Variants in FOXK1 observed in about 807,000 individuals in gnomAD.
FOXK1 encodes forkhead box protein K1.
In FOXK1, 19 loss-of-function variants were observed where a neutral mutation model predicts 51.9. The ratio of observed to expected loss-of-function variants is 0.37; its 90% CI spans 0.26 to 0.54. The LOEUF (loss-of-function observed/expected upper bound fraction) is 0.54. FOXK1 is among the 20% of genes least tolerant of loss of function. FOXK1 has a pLI of 0.87. For missense variants in FOXK1, 870 were observed against 1,032.7 expected (o/e 0.84, Z 2.16); for synonymous variants, 537 against 482.6 (o/e 1.11, Z -1.48).
chr7:4,700,207 A>C (rs927733590), intron 1 of FOXK1, among the ~76,000 whole-genome samples: 2 of 152,226 alleles, frequency 1.3e-5, no homozygotes, highest in African/African-American at 4.8e-5. Flanking sequence ...TTGTTGGGGC[A>C]GGACCACGTT....
rs570756478 is a variant in FOXK1 at position 4,762,236 on chromosome 7, G to A, written c.1974G>A (p.Pro658=). The change falls in exon 9 of 9, where the codon CCG becomes CCA. Residue 658 remains proline, a synonymous_variant. Transcript: ENST00000328914. The surrounding 1 kb of genome is among the most constrained non-coding windows in gnomAD (Gnocchi z 5.7). The part of the protein sequence containing the change: ...LLATQASSSA[P]VVVTRVCEVG... ...CGACCCAAGCGAGTTCATCCGCGCCGGTGGTGGTCACCCGGGTGTGCGAGG... is the reference window on the plus strand; with the variant it reads ...CGACCCAAGCGAGTTCATCCGCGCCAGTGGTGGTCACCCGGGTGTGCGAGG... The A allele has an allele frequency of 5.4e-5, 84 of 1,554,016 alleles. No homozygotes were observed. The highest frequency in any genetic ancestry group is 3.3e-4 in the Middle Eastern group (2 of 6,022).
At chr7:4,716,357 T>C (rs1259468350) in intron 1 of FOXK1, among the ~76,000 whole-genome samples, 1 of 151,936 alleles carries the variant, frequency 6.6e-6, no homozygotes, top group South Asian at 2.1e-4. Flanking sequence ...TTTGTTGTGG[T>C]CAGCTGGATG....
intron 2 of FOXK1, 80 bp from the exon 3 acceptor site, chr7:4,754,379 G>A: frequency 1.3e-6 from 2 of 1,514,604 alleles, no homozygotes; most frequent in Non-Finnish European, 1.8e-6. Flanking sequence ...CCCACCCTCT[G>A]GGTAGGTCCT....
rs1464045794 is a variant in FOXK1 at position 4,758,472 on chromosome 7, C to G, written c.1245-579C>G. ...AAGGACACGTTAACCTCTCGTGCTT[C>G]CCATTTCAAAATTCTGTTTCCAACA... On this transcript the variant is annotated intron_variant, in intron 5 of 8. Coordinates refer to ENST00000328914, the MANE Select transcript of FOXK1 (RefSeq NM_001037165.2). The surrounding 1 kb of genome is among the most constrained non-coding windows in gnomAD (Gnocchi z 4.4). 1 of 152,528 alleles carries G rather than the reference C, an allele frequency of 6.6e-6. No homozygotes were observed. The highest frequency in any genetic ancestry group is 1.5e-5 in the Non-Finnish European group (1 of 68,282). The allele number at this position is 152,528 out of a possible 1,614,324, so 9.4% of individuals were successfully genotyped here.
rs1468536457 is a variant in FOXK1, at chr7:4,767,945, G to A, written c.*5481G>A. 3.3e-5 allele frequency: 5 copies of A among 151,932 alleles called. No individual in the cohort carries two copies. Among genetic ancestry groups the A allele is most frequent in the Non-Finnish European group, 7.4e-5 (5 of 68,018 alleles). 9.4% of individuals were successfully genotyped at this position (151,932 alleles called of 1,614,324 possible). A position where few individuals can be genotyped will look rare whatever the true frequency, so the allele number is the denominator to read the frequency against. On this transcript the variant is annotated 3_prime_UTR_variant, in exon 9 of 9. Transcript: ENST00000328914. This position sits in a 1 kb window ranked among gnomAD's most constrained non-coding sequence, Gnocchi z 6.6. ...CACACCGTGCGGCTTGAATTCTGTC[G>A]GAGTTGAATCTGTGGAAAGGATTGT... is the stretch of plus-strand genomic sequence containing the variant.
At chr7:4,732,090 G>C (rs899651664) in intron 1 of FOXK1, among the ~76,000 whole-genome samples, 1 of 152,202 alleles carries the variant, frequency 6.6e-6, no homozygotes, top group African/African-American at 2.4e-5. Flanking sequence ...TTCCACTTGG[G>C]CTTCTGCTAC....
At chr7:4,736,396 T>C (rs1780552526) in intron 1 of FOXK1, among the ~76,000 whole-genome samples, 1 of 151,708 alleles carries the variant, frequency 6.6e-6, no homozygotes, top group South Asian at 2.1e-4. Context: ...TATGTACATA[T>C]CATCTAGAAT....
chr7:4,716,404 G>A (rs977873173), intron 1 of FOXK1, among the ~76,000 whole-genome samples: 1 of 152,130 alleles, frequency 6.6e-6, no homozygotes, highest in Admixed American at 6.5e-5. Flanking sequence ...TACTTGGGAG[G>A]CTAAGGCAGG....
Position 4,683,855 on chromosome 7 carries a change from C to T in FOXK1, c.560+987C>T, listed in dbSNP as rs1295831815. 2.6e-5 allele frequency among the ~76,000 whole-genome samples: 4 copies of T among 152,196 alleles called. No individual in the cohort carries two copies. Among genetic ancestry groups the T allele is most frequent in the African/African-American group, 9.6e-5 (4 of 41,462 alleles). ...GAGGTCCCTAGGAGTGTGGGCTGTG[C>T]TGAAGGAGCAGAGGCCTGGCGGGGA... On this transcript the variant is annotated intron_variant, in intron 1 of 8. Transcript: ENST00000328914. The surrounding 1 kb of genome is among the most constrained non-coding windows in gnomAD (Gnocchi z 4.5).
rs945681763 is a variant in FOXK1 at position 4,754,843 on chromosome 7, C to T, written c.903+228C>T. 1.9e-5 allele frequency: 12 copies of T among 628,708 alleles called. No individual in the cohort carries two copies. In the East Asian group the frequency reaches 2.3e-4, roughly 12 times the overall value. 38.9% of individuals were successfully genotyped at this position (628,708 alleles called of 1,614,324 possible). ...CTGGTGACAGGGGTGGCGCCGTCACCGAGGGCCCCTCCCGCCACGCTCCTT... is the reference window on the plus strand; with the variant it reads ...CTGGTGACAGGGGTGGCGCCGTCACTGAGGGCCCCTCCCGCCACGCTCCTT... On this transcript the variant is annotated intron_variant, in intron 3 of 8. Transcript: ENST00000328914.
rs1253666174 is a variant in FOXK1, at chr7:4,756,099, T to C, written c.1050+716T>C. 6.6e-6 allele frequency among the ~76,000 whole-genome samples: 1 copy of C among 152,036 alleles called. No individual in the cohort carries two copies. The highest frequency in any genetic ancestry group is 1.5e-5 in the Non-Finnish European group (1 of 68,032). On this transcript the variant is annotated intron_variant, in intron 4 of 8. Coordinates refer to ENST00000328914, the MANE Select transcript of FOXK1 (RefSeq NM_001037165.2). The surrounding 1 kb of genome is among the most constrained non-coding windows in gnomAD (Gnocchi z 4.1). Reference sequence around the variant, plus strand: ...TCCAATGTCAGTGTAGCGCATCCACTAGCTTTGGTTTTTTGTTTGTTTGTT... The same window carrying C: ...TCCAATGTCAGTGTAGCGCATCCACCAGCTTTGGTTTTTTGTTTGTTTGTT...
intron 1 of FOXK1, among the ~76,000 whole-genome samples, chr7:4,704,461 A>AAG (rs1225594837): frequency 2.0e-5 from 3 of 151,770 alleles, no homozygotes; most frequent in African/African-American, 7.3e-5. Context: ...AAAAAAAAAA[A>AAG]AAAAAAAGAA....
rs990132782 is a variant in FOXK1, at chr7:4,683,317, C to T, written c.560+449C>T. 3.9e-5 allele frequency among the ~76,000 whole-genome samples: 6 copies of T among 152,002 alleles called. No individual in the cohort carries two copies. Among genetic ancestry groups the T allele is most frequent in the Non-Finnish European group, 8.8e-5 (6 of 67,972 alleles). ...CCTGCTGCTCCCCAGCTCCCATCGGCCTGGACTCCGGGGTCATTCTGAACT... is the reference window on the plus strand; with the variant it reads ...CCTGCTGCTCCCCAGCTCCCATCGGTCTGGACTCCGGGGTCATTCTGAACT... On this transcript the variant is annotated intron_variant, in intron 1 of 8. Transcript: ENST00000328914. This position sits in a 1 kb window ranked among gnomAD's most constrained non-coding sequence, Gnocchi z 4.5.
In FOXK1 at chr7:4,741,030, A is replaced by C; in HGVS notation, c.746+7A>C. 6.7e-7 allele frequency: 1 copy of C among 1,499,232 alleles called. No individual in the cohort carries two copies. Among genetic ancestry groups the C allele is most frequent in the Non-Finnish European group, 8.8e-7 (1 of 1,130,022 alleles). The allele number at this position is 1,499,232 out of a possible 1,614,324, so 92.9% of individuals were successfully genotyped here. Reference sequence around the variant, plus strand: ...CCCCGACGGGCACCATCAGGTGAGTAGCCCCCCAGCCTGCCCTTGGGCCCC... The same window carrying C: ...CCCCGACGGGCACCATCAGGTGAGTCGCCCCCCAGCCTGCCCTTGGGCCCC... On this transcript the variant is annotated splice_region_variant and intron_variant, in intron 2 of 8. Transcript: ENST00000328914.
In FOXK1 at chr7:4,756,296, G is replaced by A. The variant is rs1333295741; in HGVS notation, c.1051-698G>A. 6.6e-6 allele frequency among the ~76,000 whole-genome samples: 1 copy of A among 152,028 alleles called. No individual in the cohort carries two copies. Among genetic ancestry groups the A allele is most frequent in the East Asian group, 1.9e-4 (1 of 5,140 alleles). ...CACCTGGCTATTTTTTGTATTTTTA[G>A]TAGAGATGGGGTTTCACCATGTTGC... On this transcript the variant is annotated intron_variant, in intron 4 of 8. Transcript: ENST00000328914. The surrounding 1 kb of genome is among the most constrained non-coding windows in gnomAD (Gnocchi z 4.1).
intron 1 of FOXK1, among the ~76,000 whole-genome samples, chr7:4,710,829 A>G (rs2115041065): frequency 6.6e-6 from 1 of 152,238 alleles, no homozygotes; most frequent in Middle Eastern, 3.4e-3. Context: ...ACCAGTTCCC[A>G]CCACTGAGAA....
chr7:4,701,180 A>G (rs1327070537), intron 1 of FOXK1, among the ~76,000 whole-genome samples: 1 of 152,234 alleles, frequency 6.6e-6, no homozygotes, highest in Non-Finnish European at 1.5e-5. Flanking sequence ...CTGCACGATC[A>G]GAGCTAAACA....
At chr7:4,686,094 A>G (rs1364445947) in intron 1 of FOXK1, among the ~76,000 whole-genome samples, 1 of 152,224 alleles carries the variant, frequency 6.6e-6, no homozygotes, top group African/African-American at 2.4e-5. Context: ...ACCGAATGTC[A>G]GGAATTACTG....
intron 1 of FOXK1, among the ~76,000 whole-genome samples, chr7:4,718,970 C>T (rs554022430): frequency 8.8e-4 from 133 of 151,784 alleles, no homozygotes; most frequent in African/African-American, 3.0e-3. Context: ...CCACCACGCC[C>T]GGCTAATTTT....
Sources: allele counts gnomAD v4.1 joint callset (sites outside exome capture counted in the v4.1 genomes callset), GRCh38; gene constraint gnomAD v4.1.1; non-coding constraint Gnocchi (gnomAD v3.1); transcripts MANE v1.5; gene names NCBI Gene and HGNC (gene_info 2026-07-23, HGNC 2026-07-21).